SKIC3: variants seen among roughly 807,000 people sequenced by gnomAD.
SKIC3 encodes SKI3 subunit of superkiller complex, also known as superkiller complex protein 3.
chr5:95,498,774 C>T, the SKIC3 span, among the ~76,000 whole-genome samples: 1 of 152,042 alleles, frequency 6.6e-6, no homozygotes, highest in Non-Finnish European at 1.5e-5. Context: ...TACAGGCGCC[C>T]GCCATCAGGC....
At chr5:95,503,243 G>A in the SKIC3 span, among the ~76,000 whole-genome samples, 1 of 152,092 alleles carries the variant, frequency 6.6e-6, no homozygotes, top group Non-Finnish European at 1.5e-5. Context: ...TCTACGTTCG[G>A]AATCTATATG....
At chr5:95,484,777 T>C in the SKIC3 span, 145 of 1,614,202 alleles carry the variant, frequency 9.0e-5, no homozygotes, top group Admixed American at 6.0e-4. Flanking sequence ...ATTAGACCAG[T>C]GACAGCTTGT....
chr5:95,543,558 AG>A, the SKIC3 span, among the ~76,000 whole-genome samples: 1 of 152,154 alleles, frequency 6.6e-6, no homozygotes, highest in Non-Finnish European at 1.5e-5. Flanking sequence ...AAGCTGCCCG[AG>A]GGATACTGAC....
At chr5:95,536,498 C>G in the SKIC3 span, 1 of 315,062 alleles carries the variant, frequency 3.2e-6, no homozygotes, top group Non-Finnish European at 5.9e-6. Context: ...CTGCTCATGC[C>G]AGCTGGAATA....
At chr5:95,487,442 G>T in the SKIC3 span, among the ~76,000 whole-genome samples, 1 of 152,146 alleles carries the variant, frequency 6.6e-6, no homozygotes, top group Non-Finnish European at 1.5e-5. Flanking sequence ...ACATTGCTCT[G>T]GCATCCAAGG....
chr5:95,512,979 C>A, the SKIC3 span: 1 of 251,242 alleles, frequency 4.0e-6, no homozygotes, highest in South Asian at 5.2e-5. Context: ...CATGCCTACT[C>A]CTTATCTCAT....
the SKIC3 span, among the ~76,000 whole-genome samples, chr5:95,505,551 C>T: frequency 7.2e-5 from 11 of 152,088 alleles, no homozygotes; most frequent in Non-Finnish European, 4.4e-5. Context: ...CGGTGGCTCA[C>T]GCCTGTAATT....
chr5:95,525,282 A>G, the SKIC3 span: 3 of 988,318 alleles, frequency 3.0e-6, no homozygotes, highest in Admixed American at 4.0e-5. Context: ...CTTAAAGCCT[A>G]CAAAGATCAA....
At chr5:95,469,636 T>C in the SKIC3 span, 4 of 1,132,628 alleles carry the variant, frequency 3.5e-6, no homozygotes, top group African/African-American at 3.1e-5. Flanking sequence ...TCTTCCAAAG[T>C]AGATACAGAT....
the SKIC3 span, among the ~76,000 whole-genome samples, chr5:95,550,362 A>C: frequency 6.6e-6 from 1 of 151,926 alleles, no homozygotes; most frequent in African/African-American, 2.4e-5. Flanking sequence ...CAATAATAAT[A>C]AATAGTAATG....
At chr5:95,504,413 G>A in the SKIC3 span, among the ~76,000 whole-genome samples, 1 of 151,764 alleles carries the variant, frequency 6.6e-6, no homozygotes, top group African/African-American at 2.4e-5. Context: ...ACTAAATTAC[G>A]AAGTGTCTCT....
the SKIC3 span, among the ~76,000 whole-genome samples, chr5:95,522,840 A>G: frequency 6.6e-6 from 1 of 152,204 alleles, no homozygotes; most frequent in African/African-American, 2.4e-5. Flanking sequence ...AATTGATCAT[A>G]TATGAGCTGC....
At chr5:95,482,440 T>C in the SKIC3 span, 5 of 1,607,896 alleles carry the variant, frequency 3.1e-6, no homozygotes, top group African/African-American at 1.3e-5. Context: ...AGTGTTTTAA[T>C]TGAGGACTCA....
the SKIC3 span, among the ~76,000 whole-genome samples, chr5:95,509,385 G>A: frequency 6.6e-6 from 1 of 152,156 alleles, no homozygotes; most frequent in East Asian, 1.9e-4. Context: ...CAAAGCGAGA[G>A]GGGTTCCTGC....
At chr5:95,488,711 C>A in the SKIC3 span, among the ~76,000 whole-genome samples, 1 of 151,996 alleles carries the variant, frequency 6.6e-6, no homozygotes, top group Non-Finnish European at 1.5e-5. Context: ...ACAACATTTA[C>A]CATCATGAAA....
At chr5:95,496,395 C>G in the SKIC3 span, among the ~76,000 whole-genome samples, 1 of 152,006 alleles carries the variant, frequency 6.6e-6, no homozygotes, top group Non-Finnish European at 1.5e-5. Flanking sequence ...CAGGTTAACA[C>G]AAGGAGGGGA....
At chr5:95,523,742 T>C in the SKIC3 span, 19 of 1,613,740 alleles carry the variant, frequency 1.2e-5, no homozygotes, top group Non-Finnish European at 1.6e-5. Context: ...TCCTATAACA[T>C]CCACGAGCTC....
the SKIC3 span, among the ~76,000 whole-genome samples, chr5:95,550,325 T>C: frequency 4.6e-5 from 7 of 151,666 alleles, no homozygotes; most frequent in Non-Finnish European, 8.9e-5. Context: ...AATATGCTCA[T>C]ACAAAGATTC....
the SKIC3 span, chr5:95,522,247 T>A: frequency 6.2e-7 from 1 of 1,613,814 alleles, no homozygotes; most frequent in Non-Finnish European, 8.5e-7. Context: ...TTAAGTATGC[T>A]TCTCCTAACG....
Sources: allele counts gnomAD v4.1 joint callset (sites outside exome capture counted in the v4.1 genomes callset), GRCh38; gene constraint gnomAD v4.1.1; transcripts MANE v1.5; gene names NCBI Gene and HGNC (gene_info 2026-07-23, HGNC 2026-07-21).